ANO10: variants seen among roughly 807,000 people sequenced by gnomAD.
ANO10 encodes anoctamin 10.
Under a neutral mutation model 74.7 loss-of-function variants are expected in ANO10, and 77 were observed. The ratio of observed to expected loss-of-function variants is 1.03; its 90% CI spans 0.86 to 1.25. ANO10 has a LOEUF of 1.25. Among genes scored for constraint, ANO10 ranks in the 50% most tolerant of loss-of-function variants. ANO10 has a pLI of 0.00. For synonymous variants in ANO10, 279 were observed against 284.9 expected (o/e 0.98, Z 0.21); for missense variants, 721 against 778.1 (o/e 0.93, Z 0.87).
At chr3:43,548,902 G>T (rs1356747797) in intron 11 of ANO10, among the ~76,000 whole-genome samples, 4 of 152,138 alleles carry the variant, frequency 2.6e-5, no homozygotes, top group Non-Finnish European at 5.9e-5. Flanking sequence ...GCCTGCTTGG[G>T]CTTTGCATGT....
intron 1 of ANO10, among the ~76,000 whole-genome samples, chr3:43,614,572 A>G (rs1199152542): frequency 2.0e-5 from 3 of 151,926 alleles, no homozygotes; most frequent in African/African-American, 7.2e-5. Flanking sequence ...AGCTGAAGCT[A>G]AAAAATGGAA....
At chr3:43,451,243 G>A (rs540695846) in intron 11 of ANO10, among the ~76,000 whole-genome samples, 1 of 152,282 alleles carries the variant, frequency 6.6e-6, no homozygotes, top group African/African-American at 2.4e-5. Flanking sequence ...GCTGCTGCAA[G>A]GGCTACTAGA....
intron 1 of ANO10, among the ~76,000 whole-genome samples, chr3:43,666,218 TTC>T (rs1394556193): frequency 6.6e-6 from 1 of 152,156 alleles, no homozygotes; most frequent in Non-Finnish European, 1.5e-5. Context: ...TCCCTTTGTT[TTC>T]TTTCTCTCAA....
At chr3:43,551,484 C>T (rs1220566103) in intron 10 of ANO10, 1 of 456,694 alleles carries the variant, frequency 2.2e-6, no homozygotes, top group Non-Finnish European at 4.4e-6. Flanking sequence ...GTGAAACCAC[C>T]ACCACCACAA....
intron 11 of ANO10, among the ~76,000 whole-genome samples, chr3:43,537,488 G>C (rs1241062246): frequency 6.6e-6 from 1 of 151,828 alleles, no homozygotes; most frequent in Admixed American, 6.6e-5. Context: ...TCACAGCTGG[G>C]GCCCAATGAT....
intron 11 of ANO10, among the ~76,000 whole-genome samples, chr3:43,501,511 G>C (rs191127664): frequency 3.3e-5 from 5 of 152,206 alleles, no homozygotes; most frequent in Non-Finnish European, 7.4e-5. Context: ...AAAATCTAGA[G>C]AATCTGAAGC....
chr3:43,678,163 C>T (rs2084147101), intron 1 of ANO10, among the ~76,000 whole-genome samples: 1 of 152,166 alleles, frequency 6.6e-6, no homozygotes, highest in Non-Finnish European at 1.5e-5. Context: ...TATGCAAAAC[C>T]ATCTAATACA....
chr3:43,464,081 C>T (rs928540614), intron 11 of ANO10, among the ~76,000 whole-genome samples: 12 of 152,256 alleles, frequency 7.9e-5, no homozygotes, highest in East Asian at 7.7e-4. Flanking sequence ...CTTCCTCAGC[C>T]ATATTGAACT....
intron 11 of ANO10, among the ~76,000 whole-genome samples, chr3:43,447,125 T>C (rs1475690981): frequency 2.6e-5 from 4 of 152,362 alleles, no homozygotes; most frequent in African/African-American, 9.6e-5. Context: ...ATTTACACTA[T>C]TTCCAATATT....
chr3:43,575,752 C>T (rs2080963797), intron 6 of ANO10, among the ~76,000 whole-genome samples: 2 of 152,254 alleles, frequency 1.3e-5, no homozygotes, highest in South Asian at 4.1e-4. Flanking sequence ...ATTCTCCTGC[C>T]TCAGCCTCCT....
chr3:43,497,595 C>A (rs1014922337), intron 11 of ANO10, among the ~76,000 whole-genome samples: 1 of 152,104 alleles, frequency 6.6e-6, no homozygotes, highest in African/African-American at 2.4e-5. Flanking sequence ...CCTACTGAAT[C>A]TTTGGGAAGC....
intron 7 of ANO10, 143 bp downstream of exon 7, chr3:43,574,666 T>A: frequency 2.9e-6 from 2 of 696,008 alleles, no homozygotes; most frequent in South Asian, 3.4e-5. Context: ...GAGGTACACA[T>A]ATTTATTAAT....
intron 11 of ANO10, among the ~76,000 whole-genome samples, chr3:43,471,437 G>A (rs769460731): frequency 2.0e-5 from 3 of 152,082 alleles, no homozygotes; most frequent in East Asian, 1.9e-4. Context: ...TCCCTCTGCC[G>A]CAGAGGAGGA....
chr3:43,605,724 T>G lies in ANO10; in HGVS notation c.129A>C (p.Lys43Asn), dbSNP rs1484256080. 4 of 1,613,746 alleles carry G rather than the reference T, an allele frequency of 2.5e-6. No individual in the cohort carries two copies. In the South Asian group the frequency reaches 4.4e-5, roughly 18 times the overall value. The change falls in exon 2 of 13, where the codon AAA becomes AAC. Residue 43 changes from lysine (K) to asparagine (N), a missense_variant. Transcript: ENST00000292246. Reference protein sequence around the residue: ...EWLKNRIIAKKKDGGAQLLFR... With the variant: ...EWLKNRIIAKNKDGGAQLLFR... Reference sequence around the variant, plus strand: ...GACTATTTTACTCACCTCCATCTTTTTTTTTAGCTATAATTCTGTTTTTCA... The same window carrying G: ...GACTATTTTACTCACCTCCATCTTTGTTTTTAGCTATAATTCTGTTTTTCA...
chr3:43,425,791 T>G (rs937018125), intron 12 of ANO10, among the ~76,000 whole-genome samples: 2 of 152,152 alleles, frequency 1.3e-5, no homozygotes, highest in African/African-American at 4.8e-5. Context: ...TTGACGTATT[T>G]TGAAATGGTT....
intron 11 of ANO10, among the ~76,000 whole-genome samples, chr3:43,461,691 T>C (rs186296428): frequency 5.3e-5 from 8 of 152,360 alleles, no homozygotes; most frequent in Admixed American, 3.9e-4. Flanking sequence ...GCCATGATCA[T>C]GAGGCTTCCT....
At chr3:43,377,554 C>T (rs2091843169) in intron 12 of ANO10, among the ~76,000 whole-genome samples, 1 of 152,162 alleles carries the variant, frequency 6.6e-6, no homozygotes, top group South Asian at 2.1e-4. Context: ...ATACAGGTCA[C>T]CTGGGGCCCT....
chr3:43,661,783 C>T (rs1362413917), intron 1 of ANO10, among the ~76,000 whole-genome samples: 1 of 152,032 alleles, frequency 6.6e-6, no homozygotes, highest in Non-Finnish European at 1.5e-5. Context: ...AGACTTTAAA[C>T]CAACAAAGAT....
At chr3:43,467,826 A>G (rs946231509) in intron 11 of ANO10, among the ~76,000 whole-genome samples, 5 of 152,272 alleles carry the variant, frequency 3.3e-5, no homozygotes, top group African/African-American at 7.2e-5. Flanking sequence ...TAACTGCAAC[A>G]GTAATAAATA....
Sources: gnomAD v4.1 joint callset for allele counts (sites outside exome capture counted in the v4.1 genomes callset) on GRCh38, gnomAD v4.1.1 for gene constraint, MANE v1.5 for transcripts, NCBI Gene and HGNC (gene_info 2026-07-23, HGNC 2026-07-21) for gene names.